Variants in RB1 observed in about 807,000 individuals in gnomAD.
RB1 encodes retinoblastoma-associated protein.
In RB1, 18 loss-of-function variants were observed where a neutral mutation model predicts 135.4. The ratio of observed to expected loss-of-function variants is 0.13; its 90% CI spans 0.09 to 0.20. RB1 has a LOEUF of 0.20. Ranked by LOEUF, RB1 falls within the 10% of genes least tolerant of loss-of-function variation. The pLI, the probability that RB1 is intolerant of heterozygous loss-of-function variation, is 1.00. For missense variants in RB1, 868 were observed against 1,110.0 expected, an observed-to-expected ratio of 0.78 and a Z score of 3.10; for synonymous variants, 365 against 373.2, an observed-to-expected ratio of 0.98 and a Z score of 0.25.
At chr13:48,314,288 G>T (rs1056245433) in intron 2 of RB1, among the ~76,000 whole-genome samples, 1 of 152,136 alleles carries the variant, frequency 6.6e-6, no homozygotes, top group African/African-American at 2.4e-5. Flanking sequence ...TCAATTTGCG[G>T]AATATTGCAT....
chr13:48,359,619 A>G (rs1952621185), intron 6 of RB1, among the ~76,000 whole-genome samples: 1 of 148,706 alleles, frequency 6.7e-6, no homozygotes, highest in South Asian at 2.1e-4. Context: ...TATTTATAAA[A>G]TTAGAATTAA....
chr13:48,479,149 G>A (rs1457251686), intron 26 of RB1, among the ~76,000 whole-genome samples: 1 of 152,002 alleles, frequency 6.6e-6, no homozygotes, highest in Non-Finnish European at 1.5e-5. Flanking sequence ...AATTGCTTGA[G>A]CCCAGAAGGT....
intron 17 of RB1, among the ~76,000 whole-genome samples, chr13:48,441,433 A>C (rs1397407672): frequency 6.6e-6 from 1 of 152,226 alleles, no homozygotes; most frequent in Non-Finnish European, 1.5e-5. Flanking sequence ...AAGTAGTAAC[A>C]TGTGCATATC....
At chr13:48,381,521 A>G (rs889550666) in intron 17 of RB1, 78 bp downstream of exon 17, 13 of 1,279,958 alleles carry the variant, frequency 1.0e-5, no homozygotes, top group Non-Finnish European at 1.3e-5. Context: ...GGTGTTTCTT[A>G]ACATCTACCT....
At chr13:48,461,783 A>C (rs1949406943) in intron 20 of RB1, among the ~76,000 whole-genome samples, 1 of 151,956 alleles carries the variant, frequency 6.6e-6, no homozygotes, top group South Asian at 2.1e-4. Flanking sequence ...CCATGTGTAT[A>C]TCTTCTTTAG....
At chr13:48,476,908 G>A (rs2138359949) in intron 25 of RB1, 65 bp downstream of exon 25, 1 of 1,579,770 alleles carries the variant, frequency 6.3e-7, no homozygotes, top group East Asian at 2.2e-5. Flanking sequence ...CAGAGTCTCA[G>A]CACTGCTCCT....
At chr13:48,461,650 CTTT>C (rs1201461860) in intron 20 of RB1, among the ~76,000 whole-genome samples, 1 of 151,630 alleles carries the variant, frequency 6.6e-6, no homozygotes, top group African/African-American at 2.4e-5. Flanking sequence ...TCCTCACCAA[CTTT>C]TTTATCTTTT....
intron 23 of RB1, among the ~76,000 whole-genome samples, chr13:48,471,577 A>AAAAAT (rs1949470661): frequency 3.3e-5 from 5 of 150,200 alleles, no homozygotes; most frequent in African/African-American, 1.2e-4. Flanking sequence ...TATAAATAAA[A>AAAAAT]AAAAAAAAAA....
At chr13:48,351,147 G>A (rs979980863) in intron 6 of RB1, among the ~76,000 whole-genome samples, 2 of 152,096 alleles carry the variant, frequency 1.3e-5, no homozygotes, top group African/African-American at 4.8e-5. Context: ...GCTCTTTGCG[G>A]AATTGTCAGA....
At chr13:48,393,961 A>G (rs1316912144) in intron 17 of RB1, among the ~76,000 whole-genome samples, 2 of 152,226 alleles carry the variant, frequency 1.3e-5, no homozygotes, top group Non-Finnish European at 2.9e-5. Context: ...ATGGGCTGGC[A>G]AGATAGCCAA....
chr13:48,322,816 T>TCAACC (rs1319230320), intron 2 of RB1, among the ~76,000 whole-genome samples: 2 of 152,198 alleles, frequency 1.3e-5, no homozygotes, highest in African/African-American at 4.8e-5. Context: ...GTGTAGTATA[T>TCAACC]TAGTTGATTT....
chr13:48,317,133 C>A, intron 2 of RB1: 1 of 897,924 alleles, frequency 1.1e-6, no homozygotes. Flanking sequence ...AGGGCTGGGC[C>A]CGGCCTGGGC....
intron 20 of RB1, among the ~76,000 whole-genome samples, chr13:48,462,759 A>AT (rs1367122879): frequency 6.6e-6 from 1 of 152,154 alleles, no homozygotes; most frequent in Non-Finnish European, 1.5e-5. Flanking sequence ...TTTTGAGCTA[A>AT]TTTTTTAATA....
chr13:48,464,958 C>CTTTTTTTTTTT (rs553094345), intron 21 of RB1, 40 bp from the exon 22 acceptor site: 127 of 832,618 alleles, frequency 1.5e-4, no homozygotes, highest in South Asian at 4.4e-4. Flanking sequence ...GTAAATTTTA[C>CTTTTTTTTTTT]TTTTTTTTTT....
At chr13:48,351,948 A>G (rs1952552548) in intron 6 of RB1, among the ~76,000 whole-genome samples, 1 of 152,130 alleles carries the variant, frequency 6.6e-6, no homozygotes, top group Non-Finnish European at 1.5e-5. Flanking sequence ...TGCTGGGATT[A>G]CAGGAATGAG....
chr13:48,318,533 G>A (rs1952205633), intron 2 of RB1: 1 of 858,270 alleles, frequency 1.2e-6, no homozygotes, highest in Non-Finnish European at 1.8e-6. Context: ...CCTTGGCTGC[G>A]CCCTCCCCTC....
Position 48,373,330 on chromosome 13 carries a change from G to T in RB1, c.1128-75G>T, listed in dbSNP as rs140442811. On this transcript the variant is annotated intron_variant, in intron 11 of 26. Coordinates refer to ENST00000267163, the MANE Select transcript of RB1 (RefSeq NM_000321.3). Reference sequence around the variant, plus strand: ...ATTTGAAGATACATTTAACTTGGGAGATGGAAAACATTTCATTTTTTCTTT... The same window carrying T: ...ATTTGAAGATACATTTAACTTGGGATATGGAAAACATTTCATTTTTTCTTT... 647 of 881,014 alleles carry T rather than the reference G, an allele frequency of 7.3e-4. 5 individuals are homozygous for T. In the East Asian group the frequency reaches 0.012, roughly 16 times the overall value. 54.6% of individuals were successfully genotyped at this position (881,014 alleles called of 1,614,324 possible).
intron 17 of RB1, among the ~76,000 whole-genome samples, chr13:48,403,861 A>T (rs900126361): frequency 6.6e-6 from 1 of 151,808 alleles, no homozygotes; most frequent in African/African-American, 2.4e-5. Flanking sequence ...CTATGAGAAT[A>T]AAAAAAATGC....
At position 48,388,234 on chromosome 13, in the gene RB1, A is replaced by T. The variant is rs908660038; in HGVS notation, c.1695+6791A>T. On this transcript the variant is annotated intron_variant, in intron 17 of 26. Transcript: ENST00000267163. The stretch of plus-strand genomic sequence containing the variant: ...CAGAGAGGAGTCAACTTATGATGAC[A>T]TGCAGGTTTCTGGCTTGTATAACTT... 3.3e-5 allele frequency among the ~76,000 whole-genome samples: 5 copies of T among 152,234 alleles called. No homozygotes were observed. In the South Asian group the frequency reaches 1.0e-3, roughly 31 times the overall value.
Sources: allele counts gnomAD v4.1 joint callset (sites outside exome capture counted in the v4.1 genomes callset), GRCh38; gene constraint gnomAD v4.1.1; transcripts MANE v1.5; gene names NCBI Gene and HGNC (gene_info 2026-07-23, HGNC 2026-07-21).